Variants in TNFRSF13B observed in about 807,000 individuals in gnomAD.
TNFRSF13B encodes the protein tumor necrosis factor receptor superfamily member 13B.
A neutral mutation model predicts 24.0 loss-of-function variants in TNFRSF13B; 34 were observed. The ratio of observed to expected loss-of-function variants is 1.41; its 90% CI spans 1.08 to 1.88. The LOEUF is 1.88. Among genes scored for constraint, TNFRSF13B ranks in the 40% most tolerant of loss-of-function variants. The probability of loss-of-function intolerance (pLI) is 0.00; values close to 1 mark genes in which losing one functional copy is unlikely to be tolerated. For synonymous variants in TNFRSF13B, 173 were observed against 150.3 expected (o/e 1.15, Z -1.10); for missense variants, 415 against 380.8 (o/e 1.09, Z -0.75).
intron 3 of TNFRSF13B, among the ~76,000 whole-genome samples, chr17:16,945,464 C>G (rs989883185): frequency 6.6e-6 from 1 of 152,236 alleles, no homozygotes; most frequent in African/African-American, 2.4e-5. Context: ...CCAGCTCACT[C>G]ACGCATTCCC....
At chr17:16,968,610 T>C (rs2087721929) in intron 1 of TNFRSF13B, among the ~76,000 whole-genome samples, 2 of 152,172 alleles carry the variant, frequency 1.3e-5, no homozygotes, top group Admixed American at 1.3e-4. Context: ...ACAGAACTCA[T>C]AGAAGAAAAC....
At chr17:16,947,643 A>G (rs1414540700) in intron 3 of TNFRSF13B, among the ~76,000 whole-genome samples, 1 of 152,228 alleles carries the variant, frequency 6.6e-6, no homozygotes, top group African/African-American at 2.4e-5. Flanking sequence ...CAAAACCACA[A>G]TGAGGGACCA....
chr17:16,944,669 A>G (rs2087535202), intron 3 of TNFRSF13B, among the ~76,000 whole-genome samples: 1 of 152,134 alleles, frequency 6.6e-6, no homozygotes, highest in African/African-American at 2.4e-5. Flanking sequence ...AGTGAGCTCC[A>G]TGGGTCTGGG....
intron 1 of TNFRSF13B, among the ~76,000 whole-genome samples, chr17:16,962,749 G>A (rs1394280345): frequency 6.6e-6 from 1 of 152,108 alleles, no homozygotes; most frequent in Non-Finnish European, 1.5e-5. Context: ...AGAGCAAGGA[G>A]AAGGGGAAGA....
At chr17:16,953,334 C>G (rs541509258) in intron 1 of TNFRSF13B, among the ~76,000 whole-genome samples, 162 of 152,288 alleles carry the variant, frequency 1.1e-3, no homozygotes, top group African/African-American at 3.9e-3. Context: ...TTCTTTTTTA[C>G]TAAAGTATGA....
rs776292713 is a variant in TNFRSF13B, at chr17:16,939,688, C to G, written c.741G>C (p.Thr247=). The G allele has an allele frequency of 6.2e-7, 1 of 1,609,332 alleles. No individual in the cohort carries two copies. Among genetic ancestry groups the G allele is most frequent in the Admixed American group, 1.7e-5 (1 of 59,768 alleles). ...CRAPTQESAV[T]PGTPDPTCAG... is the part of the protein sequence containing the mutation. ...CACAAGTGGGGTCGGGGGTCCCAGGCGTGACTGCGCTCTCCTGCGTGGGCG... is the reference window on the plus strand; with the variant it reads ...CACAAGTGGGGTCGGGGGTCCCAGGGGTGACTGCGCTCTCCTGCGTGGGCG... The change falls in exon 5 of 5, where the codon ACG becomes ACC. Residue 247 remains threonine, a synonymous_variant. Coordinates refer to ENST00000261652, the MANE Select transcript of TNFRSF13B (RefSeq NM_012452.3).
chr17:16,948,190 G>A (rs1050575970), intron 3 of TNFRSF13B, among the ~76,000 whole-genome samples: 3 of 152,122 alleles, frequency 2.0e-5, no homozygotes, highest in Non-Finnish European at 2.9e-5. Context: ...TACTAGAAGG[G>A]GGAGGCAGAG....
intron 3 of TNFRSF13B, among the ~76,000 whole-genome samples, chr17:16,941,855 C>A (rs1443970239): frequency 6.6e-6 from 1 of 152,228 alleles, no homozygotes; most frequent in Non-Finnish European, 1.5e-5. Flanking sequence ...TTAATGAAAT[C>A]ATACAACACG....
intron 3 of TNFRSF13B, 160 bp from the exon 4 acceptor site, chr17:16,940,671 G>A: frequency 6.7e-7 from 1 of 1,482,852 alleles, no homozygotes; most frequent in Non-Finnish European, 8.9e-7. Flanking sequence ...ATGCTCTCTG[G>A]ATCCTGGAGG....
rs150848825 is a variant in TNFRSF13B at position 16,948,854 on chromosome 17, C to G, written c.329G>C (p.Ser110Thr). 1 of 1,614,250 alleles carries G rather than the reference C, an allele frequency of 6.2e-7. No individual in the cohort carries two copies. ...GAGCTCTGGTGGAAGGTTCACTGGG[C>G]TCCTGAGCTTGTTCTCACAGAAGTA... Reference protein sequence around the residue: ...CAYFCENKLRSPVNLPPELRR... With the variant: ...CAYFCENKLRTPVNLPPELRR... Residue 110 changes from serine to threonine, a missense_variant, in exon 3 of 5, where the codon AGC becomes ACC. Physicochemically the swap from Ser to Thr is moderately conservative, Grantham distance 58 (BLOSUM62 1). Transcript: ENST00000261652.
intron 1 of TNFRSF13B, among the ~76,000 whole-genome samples, chr17:16,961,862 G>A (rs767217407): frequency 4.6e-5 from 7 of 152,114 alleles, no homozygotes; most frequent in East Asian, 1.9e-4. Flanking sequence ...GAATAAAGAC[G>A]TTCTCAGACA....
At position 16,948,967 on chromosome 17, in the gene TNFRSF13B, G is replaced by A; in HGVS notation, c.216C>T (p.Arg72=). 6.2e-7 allele frequency: 1 copy of A among 1,614,100 alleles called. No homozygotes were observed. Among genetic ancestry groups the A allele is most frequent in the Non-Finnish European group, 8.5e-7 (1 of 1,180,020 alleles). ...GGTCATAGAACTTGCCTTGCTCCTTGCGGCAGCTGAGTGACCCTGGGAGAG... is the reference window on the plus strand; with the variant it reads ...GGTCATAGAACTTGCCTTGCTCCTTACGGCAGCTGAGTGACCCTGGGAGAG... ...CAAFCRSLSC[R]KEQGKFYDHL... Residue 72 remains arginine, a synonymous_variant, in exon 3 of 5, where the codon CGC becomes CGT. Coordinates refer to ENST00000261652, the MANE Select transcript of TNFRSF13B (RefSeq NM_012452.3).
At chr17:16,970,679 C>CA (rs2087737565) in intron 1 of TNFRSF13B, among the ~76,000 whole-genome samples, 1 of 148,254 alleles carries the variant, frequency 6.7e-6, no homozygotes, top group South Asian at 2.2e-4. Flanking sequence ...CAGTGGACAA[C>CA]CGGCCAGGGC....
At chr17:16,964,820 G>A (rs912959388) in intron 1 of TNFRSF13B, among the ~76,000 whole-genome samples, 11 of 152,174 alleles carry the variant, frequency 7.2e-5, no homozygotes, top group South Asian at 4.1e-4. Context: ...AGAGTGTGCC[G>A]GAGTGAAGTG....
At chr17:16,940,983 A>G (rs1442496193) in intron 3 of TNFRSF13B, 5 of 1,030,228 alleles carry the variant, frequency 4.9e-6, no homozygotes, top group Non-Finnish European at 5.9e-6. Flanking sequence ...GCGGATGTCC[A>G]AGTGCCTGAT....
At chr17:16,965,334 C>T (rs571583653) in intron 1 of TNFRSF13B, among the ~76,000 whole-genome samples, 15 of 152,220 alleles carry the variant, frequency 9.9e-5, no homozygotes, top group African/African-American at 3.6e-4. Context: ...GGAACTACCC[C>T]CAGAACCTGA....
Position 16,957,215 on chromosome 17 carries a change from A to G in TNFRSF13B, c.62-4632T>C, listed in dbSNP as rs1044158306. Among the ~76,000 whole-genome samples the G allele has an allele frequency of 2.0e-5, 3 of 150,890 alleles. No homozygotes were observed. The Admixed American group carries it at 2.0e-4, about 10-fold the overall frequency. ...TTAAAGAACCATACAGAAGTTCTGGAATGAAAAAGTTCAAAAAGTGAAATA... is the reference window on the plus strand; with the variant it reads ...TTAAAGAACCATACAGAAGTTCTGGGATGAAAAAGTTCAAAAAGTGAAATA... On this transcript the variant is annotated intron_variant, in intron 1 of 4. Transcript: ENST00000261652.
chr17:16,941,974 A>G (rs34694042), intron 3 of TNFRSF13B, among the ~76,000 whole-genome samples: 6,511 of 152,250 alleles, frequency 0.043, 171 homozygotes, highest in South Asian at 0.13. Context: ...GAATGGACAG[A>G]CCACATCTGT....
chr17:16,951,012 G>A (rs1293714041), intron 2 of TNFRSF13B, among the ~76,000 whole-genome samples: 1 of 152,238 alleles, frequency 6.6e-6, no homozygotes, highest in Non-Finnish European at 1.5e-5. Flanking sequence ...AGATGACACT[G>A]TCTTTGAAGG....
Sources: allele counts gnomAD v4.1 joint callset (sites outside exome capture counted in the v4.1 genomes callset), GRCh38; gene constraint gnomAD v4.1.1; transcripts MANE v1.5; gene names NCBI Gene and HGNC (gene_info 2026-07-23, HGNC 2026-07-21).